The following AGRN variants were observed in gnomAD, a reference collection of about 807,000 sequenced individuals.
The protein encoded by AGRN is agrin.
In AGRN, 106 loss-of-function variants were observed where a neutral mutation model predicts 211.0. That is an observed-to-expected ratio of 0.50 (90% CI 0.43 to 0.59). The LOEUF (loss-of-function observed/expected upper bound fraction) is 0.59, where lower values mean the gene tolerates loss of function less well. Ranked by LOEUF, AGRN falls within the 20% of genes least tolerant of loss-of-function variation. AGRN has a pLI of 0.00. For synonymous variants in AGRN, 1,525 were observed against 1,332.5 expected (o/e 1.14, Z -3.15); for missense variants, 3,040 against 2,982.6 (o/e 1.02, Z -0.45).
At chr1:1,049,114 G>GGGGGGAGGGGGGGC in intron 24 of AGRN, 55 bp downstream of exon 24, 3 of 695,242 alleles carry the variant, frequency 4.3e-6, no homozygotes, top group South Asian at 4.4e-5. Flanking sequence ...GAGGGGACGG[G>GGGGGGAGGGGGGGC]CGGGGGAGGG....
Position 1,024,837 on chromosome 1 carries a change from G to A in AGRN, c.463+2375G>A, listed in dbSNP as rs1363892076. On this transcript the variant is annotated intron_variant, in intron 2 of 35. Coordinates refer to ENST00000379370, the MANE Select transcript of AGRN (RefSeq NM_198576.4). ...TTCCTGGCATAACTAAGACAGGTAT[G>A]TGTCCCTCCCTCTGCGCCACCTTTG... Among the ~76,000 whole-genome samples the A allele has an allele frequency of 2.0e-5, 3 of 152,208 alleles. No homozygotes were observed. The East Asian group carries it at 5.8e-4, about 29-fold the overall frequency.
chr1:1,034,712 C>T (rs1265151461), intron 2 of AGRN: 6 of 996,556 alleles, frequency 6.0e-6, no homozygotes, highest in Non-Finnish European at 6.0e-6. Context: ...CTGTAGGTGG[C>T]CGCGGGCGGG....
chr1:1,054,625 A>G, intron 35 of AGRN, 74 bp downstream of exon 35: 1 of 1,524,300 alleles, frequency 6.6e-7, no homozygotes, highest in South Asian at 1.2e-5. Flanking sequence ...TCCACCCCCC[A>G]GCGCCCACCC....
chr1:1,034,647 T>G (rs1644756693), intron 2 of AGRN: 2 of 988,358 alleles, frequency 2.0e-6, no homozygotes, highest in Non-Finnish European at 2.4e-6. Flanking sequence ...AACGCCTGCC[T>G]GATCCTGCTG....
intron 15 of AGRN, 44 bp downstream of exon 15, chr1:1,045,920 T>TG: frequency 6.2e-7 from 1 of 1,610,318 alleles, no homozygotes; most frequent in Non-Finnish European, 8.5e-7. Context: ...TGGGGTGGGG[T>TG]GGGGTCACCC....
intron 7 of AGRN, among the ~76,000 whole-genome samples, chr1:1,042,399 A>G (rs1056707533): frequency 1.3e-5 from 2 of 152,108 alleles, no homozygotes; most frequent in Non-Finnish European, 2.9e-5. Flanking sequence ...GACCTCAGCC[A>G]CGCCCTCCCT....
intron 1 of AGRN, 37 bp downstream of exon 1, chr1:1,020,410 C>A (rs1373239370): frequency 6.8e-6 from 10 of 1,480,060 alleles, no homozygotes; most frequent in Non-Finnish European, 9.0e-6. Flanking sequence ...CCTCGCGACG[C>A]CTGCCGCCCC....
In AGRN at chr1:1,047,653, C is replaced by T. The variant is rs935849599; in HGVS notation, c.3597C>T (p.Ser1199=). The T allele has an allele frequency of 5.6e-6, 9 of 1,612,990 alleles. No individual in the cohort carries two copies. The highest frequency in any genetic ancestry group is 4.5e-5 in the East Asian group (2 of 44,900). ...TGCGGGACCTGGGGCCCGGCAAATC[C>T]GTCCGCGCCATTGTGGATGTGCACT... ...VRLRDLGPGK[S]VRAIVDVHFD... is the part of the protein sequence containing the mutation. Residue 1199 remains serine, a synonymous_variant, in exon 21 of 36, where the codon TCC becomes TCT. Coordinates refer to ENST00000379370, the MANE Select transcript of AGRN (RefSeq NM_198576.4).
Position 1,020,227 on chromosome 1 carries a change from G to T in AGRN, c.55G>T (p.Val19Leu), listed in dbSNP as rs1644364827. The T allele has an allele frequency of 7.0e-7, 1 of 1,420,942 alleles. No individual in the cohort carries two copies. Among genetic ancestry groups the T allele is most frequent in the Non-Finnish European group, 9.2e-7 (1 of 1,087,932 alleles). The allele number at this position is 1,420,942 out of a possible 1,614,324, so 88.0% of individuals were successfully genotyped here. The change falls in exon 1 of 36, where the codon GTG becomes TTG. Residue 19 changes from valine to leucine, a missense_variant. By Grantham distance (32) the Val-to-Leu change is conservative (BLOSUM62 1). Transcript: ENST00000379370. ...PLRPLLPLLV[V>L]AACVLPGAGG... ...GCGGCCGCTGCTGCCGCTCCTTGTGGTGGCCGCGTGCGTCCTGCCCGGAGC... is the reference window on the plus strand; with the variant it reads ...GCGGCCGCTGCTGCCGCTCCTTGTGTTGGCCGCGTGCGTCCTGCCCGGAGC...
At position 1,046,513 on chromosome 1, in the gene AGRN, A is replaced by G; in HGVS notation, c.3028A>G (p.Ser1010Gly). The change falls in exon 18 of 36, where the codon AGT (serine) becomes GGT (glycine). Residue 1010 changes from serine to glycine, a missense_variant. This residue lies in a region of AGRN where 1,537 missense variants were observed against 1,505.0 expected (regional missense o/e 1.02). Coordinates refer to ENST00000379370, the MANE Select transcript of AGRN (RefSeq NM_198576.4). The stretch of plus-strand genomic sequence containing the variant: ...CGGCGCCCTCCCCCTGGCTCCCAGC[A>G]GTACCGCACACAGCCAGACCACCCC... The part of the protein sequence containing the change: ...PPGALPLAPS[S>G]TAHSQTTPPP... The G allele has an allele frequency of 1.9e-6, 3 of 1,599,780 alleles. No homozygotes were observed. Among genetic ancestry groups the G allele is most frequent in the Non-Finnish European group, 2.6e-6 (3 of 1,170,274 alleles).
rs759162806 is a variant in AGRN, at chr1:1,041,350, C to T, written c.905C>T (p.Ala302Val). The T allele has an allele frequency of 5.0e-5, 77 of 1,529,808 alleles. No homozygotes were observed. Among genetic ancestry groups the T allele is most frequent in the South Asian group, 6.0e-5 (5 of 83,316 alleles). The allele number at this position is 1,529,808 out of a possible 1,614,324, so 94.8% of individuals were successfully genotyped here. ...YPGECQLLRRACARQENVFKK... is the reference protein window; with the variant it reads ...YPGECQLLRRVCARQENVFKK... ...GGCGAGTGCCAGCTCCTGCGCCGCG[C>T]CTGCGCCCGCCAGGAGAATGTCTTC... is the stretch of plus-strand genomic sequence containing the variant. The change falls in exon 5 of 36, where the codon GCC (alanine) becomes GTC (valine). Residue 302 changes from alanine to valine, a missense_variant. Coordinates refer to ENST00000379370, the MANE Select transcript of AGRN (RefSeq NM_198576.4).
chr1:1,050,125 A>T (rs1645238086), intron 27 of AGRN, 88 bp downstream of exon 27: 1 of 1,584,660 alleles, frequency 6.3e-7, no homozygotes, highest in East Asian at 2.3e-5. Flanking sequence ...TGCAGTTAGG[A>T]TGCGGCTCAG....
chr1:1,045,784 C>T lies in AGRN; in HGVS notation c.2588C>T (p.Thr863Met), dbSNP rs766149292. 6.8e-6 allele frequency: 11 copies of T among 1,613,322 alleles called. No homozygotes were observed. The highest frequency in any genetic ancestry group is 4.5e-5 in the East Asian group (2 of 44,876). The change falls in exon 15 of 36, where the codon ACG becomes ATG. Residue 863 changes from threonine (T) to methionine (M), a missense_variant. Physicochemically the swap from Thr to Met is moderately conservative, Grantham distance 81 (BLOSUM62 -1). This residue lies in a region of AGRN where 1,498 missense variants were observed against 1,457.8 expected (regional missense o/e 1.03). Transcript: ENST00000379370. ...GTGCGGGATGACTGTGAGCAGATGA[C>T]GGGGCTGTGCTCGTGTAAGCCCGGG... ...GAVRDDCEQMTGLCSCKPGVA... is the reference protein window; with the variant it reads ...GAVRDDCEQMMGLCSCKPGVA...
At chr1:1,053,722 T>C (rs769002435) in intron 33 of AGRN, 31 bp from the exon 34 acceptor site, 85 of 1,502,034 alleles carry the variant, frequency 5.7e-5, no homozygotes, top group Non-Finnish European at 7.3e-5. Flanking sequence ...GCCACCTTCC[T>C]AGAGGCCCTG....
At chr1:1,047,518 C>G in intron 20 of AGRN, 55 bp from the exon 21 acceptor site, 1 of 1,612,850 alleles carries the variant, frequency 6.2e-7, no homozygotes, top group East Asian at 2.2e-5. Context: ...CAGAGCAGCA[C>G]CAGGGCAGCC....
intron 3 of AGRN, among the ~76,000 whole-genome samples, chr1:1,036,981 G>A (rs1446484661): frequency 2.0e-5 from 3 of 152,152 alleles, no homozygotes; most frequent in Non-Finnish European, 4.4e-5. Context: ...GGGAGAGCAG[G>A]TAGGTGAGCA....
intron 2 of AGRN, among the ~76,000 whole-genome samples, chr1:1,029,938 CAT>C (rs1491108933): frequency 1.9e-5 from 1 of 52,712 alleles, no homozygotes; most frequent in Non-Finnish European, 4.0e-5. Flanking sequence ...GTGAGATCAG[CAT>C]GTGTGTGTGT....
intron 3 of AGRN, among the ~76,000 whole-genome samples, chr1:1,038,507 C>T (rs541825754): frequency 2.6e-5 from 4 of 152,358 alleles, no homozygotes; most frequent in East Asian, 1.9e-4. Context: ...TGTCTTGGGA[C>T]GTAGCAGGAC....
At chr1:1,033,184 G>A (rs1040182599) in intron 2 of AGRN, among the ~76,000 whole-genome samples, 21 of 151,916 alleles carry the variant, frequency 1.4e-4, no homozygotes, top group African/African-American at 5.1e-4. Flanking sequence ...ACCCCGCCCC[G>A]CGCGGGAGTC....
Sources: gnomAD v4.1 joint callset for allele counts (sites outside exome capture counted in the v4.1 genomes callset) on GRCh38, gnomAD v4.1.1 for gene constraint, gnomAD v4.1.1 regional missense constraint, MANE v1.5 for transcripts, NCBI Gene and HGNC (gene_info 2026-07-23, HGNC 2026-07-21) for gene names.